Variants in GCNT4 observed in about 807,000 individuals in gnomAD.
GCNT4 encodes glucosaminyl (N-acetyl) transferase 4.
In GCNT4, 17 loss-of-function variants were observed where a neutral mutation model predicts 31.3. That is an observed-to-expected ratio of 0.54 (90% CI 0.37 to 0.81). GCNT4 has a LOEUF of 0.81. GCNT4 is among the 40% of genes least tolerant of loss of function. GCNT4 has a pLI of 0.00. For synonymous variants in GCNT4, 158 were observed against 190.6 expected (o/e 0.83, Z 1.41); for missense variants, 503 against 525.5 (o/e 0.96, Z 0.42).
In GCNT4 at chr5:75,039,077, T is replaced by TTTTTG. The variant is rs572443448; in HGVS notation, c.-2+8815_-2+8819dup. 3.5e-3 allele frequency among the ~76,000 whole-genome samples: 535 copies of TTTTTG among 152,146 alleles called. 6 individuals carry two copies. Among genetic ancestry groups the TTTTTG allele is most frequent in the African/African-American group, 0.012 (490 of 41,488 alleles). On this transcript the variant is annotated intron_variant, in intron 3 of 3. Transcript: ENST00000652361. The stretch of plus-strand genomic sequence containing the variant: ...TTTCCATGATCTTATTCACTGTTTT[T>TTTTTG]TTTTGTTTTGTTTTGTTTTGTTTTT...
intron 3 of GCNT4, among the ~76,000 whole-genome samples, chr5:75,031,097 C>T (rs1265644649): frequency 6.8e-6 from 1 of 147,208 alleles, no homozygotes; most frequent in Non-Finnish European, 1.5e-5. Flanking sequence ...TTTTTTGAGA[C>T]AAGGTCTTGC....
At chr5:75,046,165 C>A (rs911995048) in intron 3 of GCNT4, among the ~76,000 whole-genome samples, 2 of 152,120 alleles carry the variant, frequency 1.3e-5, no homozygotes, top group African/African-American at 4.8e-5. Flanking sequence ...CATTCCATTT[C>A]TTTCTCCTGA....
chr5:75,053,013 G>A (rs1209679914), upstream of GCNT4, among the ~76,000 whole-genome samples: 1 of 151,950 alleles, frequency 6.6e-6, no homozygotes, highest in Non-Finnish European at 1.5e-5. Flanking sequence ...GCGCCGGCGC[G>A]CTCGCGACTC....
At chr5:75,020,105 C>T in the GCNT4 span, among the ~76,000 whole-genome samples, 158 of 152,224 alleles carry the variant, frequency 1.0e-3, no homozygotes, top group African/African-American at 3.5e-3. Context: ...AGGAATAGGC[C>T]GAGGTGGACA....
Position 75,029,570 on chromosome 5 carries a change from C to G in GCNT4, c.468G>C (p.Gln156His), listed in dbSNP as rs751806770. 6.2e-7 allele frequency: 1 copy of G among 1,614,112 alleles called. No individual in the cohort carries two copies. The highest frequency in any genetic ancestry group is 8.5e-7 in the Non-Finnish European group (1 of 1,180,020). The change falls in exon 4 of 4, where the codon CAG becomes CAC. Residue 156 changes from glutamine to histidine, a missense_variant. Coordinates refer to ENST00000652361, the MANE Select transcript of GCNT4 (RefSeq NM_001366737.1). ...VERLIHAIYN[Q>H]HNIYCIHYDR... Reference sequence around the variant, plus strand: ...CATAATGGATGCAGTAAATATTGTGCTGGTTGTATATAGCATGGATAAGCC... The same window carrying G: ...CATAATGGATGCAGTAAATATTGTGGTGGTTGTATATAGCATGGATAAGCC...
intron 2 of GCNT4, among the ~76,000 whole-genome samples, chr5:75,051,802 A>G (rs1299686857): frequency 6.6e-6 from 1 of 152,190 alleles, no homozygotes; most frequent in Non-Finnish European, 1.5e-5. Flanking sequence ...AGAAAAGAGT[A>G]TAAACCTTCT....
intron 3 of GCNT4, among the ~76,000 whole-genome samples, chr5:75,047,525 G>A (rs562707687): frequency 1.3e-5 from 2 of 152,104 alleles, no homozygotes; most frequent in African/African-American, 4.8e-5. Context: ...GGCTTGACTT[G>A]GATTAGTTAA....
At chr5:75,017,384 C>T in the GCNT4 span, 3 of 152,152 alleles carry the variant, frequency 2.0e-5, no homozygotes, top group Non-Finnish European at 4.4e-5. Flanking sequence ...ACACTGCCCA[C>T]AGTGAGCATT....
chr5:75,029,842 C>G lies in GCNT4; in HGVS notation c.196G>C (p.Glu66Gln), dbSNP rs1013505761. The G allele has an allele frequency of 1.3e-5, 21 of 1,614,018 alleles. No homozygotes were observed. Among genetic ancestry groups the G allele is most frequent in the Non-Finnish European group, 1.4e-5 (17 of 1,180,012 alleles). The change falls in exon 4 of 4, where the codon GAA (glutamate) becomes CAA (glutamine). Residue 66 changes from glutamate to glutamine, a missense_variant. Transcript: ENST00000652361. ...VRNRYTHVKD[E>Q]VRYEVNCSGI... Reference sequence around the variant, plus strand: ...GAACAGTTAACTTCATACCTGACTTCATCCTTAACATGAGTGTATCTGTTT... The same window carrying G: ...GAACAGTTAACTTCATACCTGACTTGATCCTTAACATGAGTGTATCTGTTT...
intron 2 of GCNT4, among the ~76,000 whole-genome samples, chr5:75,048,680 C>T (rs1743500699): frequency 6.6e-6 from 1 of 152,190 alleles, no homozygotes; most frequent in South Asian, 2.1e-4. Flanking sequence ...GAAAGCATTT[C>T]CACAGTTTAG....
intron 3 of GCNT4, among the ~76,000 whole-genome samples, chr5:75,034,064 C>T (rs1337449926): frequency 2.0e-5 from 3 of 152,202 alleles, no homozygotes; most frequent in Non-Finnish European, 2.9e-5. Flanking sequence ...GAAAAGCATT[C>T]CTTTCCCCAA....
upstream of GCNT4, chr5:75,052,791 G>A (rs1363696604): frequency 6.6e-6 from 1 of 152,290 alleles, no homozygotes; most frequent in African/African-American, 2.4e-5. Flanking sequence ...TCTGGTCCAG[G>A]GCTGCGGAGA....
chr5:75,049,127 ATT>A (rs1431637792), intron 2 of GCNT4, among the ~76,000 whole-genome samples: 1 of 73,878 alleles, frequency 1.4e-5, no homozygotes, highest in African/African-American at 6.2e-5. Flanking sequence ...AGCCTCACAC[ATT>A]TGTGATTAAG....
Position 75,029,160 on chromosome 5 carries a change from G to A in GCNT4, c.878C>T (p.Pro293Leu). The A allele has an allele frequency of 6.2e-7, 1 of 1,613,892 alleles. No homozygotes were observed. The highest frequency in any genetic ancestry group is 8.5e-7 in the Non-Finnish European group (1 of 1,180,016). ...GCCAACAAATATCTGAATGTTATGG[G>A]GGGGTGCTTCCTTGGAGATGTTTGT... ...IRTNISKEAP[P>L]HNIQIFVGSA... The change falls in exon 4 of 4, where the codon CCC becomes CTC. Residue 293 changes from proline (P) to leucine (L), a missense_variant. Pro to Leu is a moderately conservative substitution (Grantham distance 98). Coordinates refer to ENST00000652361, the MANE Select transcript of GCNT4 (RefSeq NM_001366737.1).
At chr5:75,041,702 C>A (rs1331190449) in intron 3 of GCNT4, among the ~76,000 whole-genome samples, 1 of 152,108 alleles carries the variant, frequency 6.6e-6, no homozygotes, top group Admixed American at 6.5e-5. Flanking sequence ...ACAACAACAA[C>A]AAAAAGAAGC....
rs1173628329 is a variant in GCNT4, at chr5:75,038,956, C to T, written c.-1-8918G>A. On this transcript the variant is annotated intron_variant, in intron 3 of 3. Transcript: ENST00000652361. ...TGGCTCTACTCCCCACTCCATGGAG[C>T]CTGCTCTGGCTAAAGTCAACAAAAG... is the stretch of plus-strand genomic sequence containing the variant. Among the ~76,000 whole-genome samples, 3 of 152,294 alleles carry T rather than the reference C, an allele frequency of 2.0e-5. 1 individual carries two copies. Among genetic ancestry groups the T allele is most frequent in the Admixed American group, 2.0e-4 (3 of 15,298 alleles).
chr5:75,044,168 G>A (rs999017345), intron 3 of GCNT4, among the ~76,000 whole-genome samples: 1 of 152,056 alleles, frequency 6.6e-6, no homozygotes, highest in Non-Finnish European at 1.5e-5. Context: ...AGCTTGTTAT[G>A]TAACAGGGGA....
At chr5:75,023,191 T>C (rs1047813452), downstream of GCNT4, among the ~76,000 whole-genome samples, 3 of 152,214 alleles carry the variant, frequency 2.0e-5, no homozygotes, top group African/African-American at 7.2e-5. Flanking sequence ...TTACTACCCA[T>C]GCATTAAAAC....
At chr5:75,030,074 T>C in intron 3 of GCNT4, 36 bp from the exon 4 acceptor site, 1 of 1,543,638 alleles carries the variant, frequency 6.5e-7, no homozygotes. Flanking sequence ...AGTTGGAATA[T>C]TAACAGAAAA....
Sources: gnomAD v4.1 joint callset for allele counts (sites outside exome capture counted in the v4.1 genomes callset) on GRCh38, gnomAD v4.1.1 for gene constraint, MANE v1.5 for transcripts, NCBI Gene and HGNC (gene_info 2026-07-23, HGNC 2026-07-21) for gene names.